The following HPSE2 variants were observed in gnomAD, a reference collection of about 807,000 sequenced individuals.
The protein encoded by HPSE2 is heparanase 2 (inactive).
HPSE2 carries 38 observed loss-of-function variants against 60.5 expected under a neutral mutation model. That is an observed-to-expected ratio of 0.63 (90% CI 0.48 to 0.82). The LOEUF (loss-of-function observed/expected upper bound fraction) is 0.82, where lower values mean the gene tolerates loss of function less well. HPSE2 is among the 40% of genes least tolerant of loss of function. The pLI, the probability that HPSE2 is intolerant of heterozygous loss-of-function variation, is 0.00. For synonymous variants in HPSE2, 295 were observed against 293.2 expected (o/e 1.01, Z -0.06); for missense variants, 713 against 740.4 (o/e 0.96, Z 0.43).
intron 11 of HPSE2, among the ~76,000 whole-genome samples, chr10:98,475,399 G>T (rs56022915): frequency 7.9e-5 from 12 of 151,966 alleles, no homozygotes; most frequent in African/African-American, 2.9e-4. Context: ...GATTACAGGC[G>T]TGAGCCACCG....
chr10:98,913,249 C>G (rs1954029519), intron 3 of HPSE2, among the ~76,000 whole-genome samples: 1 of 152,130 alleles, frequency 6.6e-6, no homozygotes, highest in South Asian at 2.1e-4. Flanking sequence ...ACTCCATATA[C>G]TTGTAGTGAA....
At chr10:98,701,908 C>G (rs934497476) in intron 5 of HPSE2, among the ~76,000 whole-genome samples, 6 of 152,076 alleles carry the variant, frequency 3.9e-5, no homozygotes, top group Non-Finnish European at 8.8e-5. Context: ...AACAAGTGTG[C>G]AAAATAACCA....
intron 11 of HPSE2, among the ~76,000 whole-genome samples, chr10:98,471,690 C>T (rs182900006): frequency 6.6e-6 from 1 of 152,152 alleles, no homozygotes; most frequent in East Asian, 1.9e-4. Flanking sequence ...TGATTATGCT[C>T]CTCGGTGTGT....
At chr10:98,671,710 T>C (rs893950226) in intron 6 of HPSE2, among the ~76,000 whole-genome samples, 6 of 152,142 alleles carry the variant, frequency 3.9e-5, no homozygotes, top group African/African-American at 1.2e-4. Flanking sequence ...TCCAATTCGA[T>C]AGTTCCTATG....
intron 3 of HPSE2, among the ~76,000 whole-genome samples, chr10:98,827,793 C>T (rs1005236619): frequency 2.0e-5 from 3 of 152,198 alleles, no homozygotes; most frequent in African/African-American, 7.2e-5. Flanking sequence ...ACTATTATTA[C>T]CATGTGATAG....
intron 3 of HPSE2, among the ~76,000 whole-genome samples, chr10:99,135,628 A>T (rs1204346185): frequency 6.6e-6 from 1 of 152,342 alleles, no homozygotes; most frequent in Non-Finnish European, 1.5e-5. Context: ...TGAAGGCAGA[A>T]GTAAAGACAT....
chr10:98,916,522 T>A (rs746228160), intron 3 of HPSE2, among the ~76,000 whole-genome samples: 1 of 152,230 alleles, frequency 6.6e-6, no homozygotes, highest in African/African-American at 2.4e-5. Context: ...AAACTGTTTC[T>A]TGGTTTTATG....
chr10:99,100,151 T>C (rs1843896501), intron 3 of HPSE2, among the ~76,000 whole-genome samples: 1 of 152,180 alleles, frequency 6.6e-6, no homozygotes, highest in Non-Finnish European at 1.5e-5. Flanking sequence ...AGAATGACTT[T>C]GACAAGTTGA....
intron 3 of HPSE2, among the ~76,000 whole-genome samples, chr10:99,127,305 TCA>T (rs771249306): frequency 2.0e-5 from 3 of 151,952 alleles, no homozygotes; most frequent in Non-Finnish European, 2.9e-5. Flanking sequence ...AGAAAAACAA[TCA>T]CAACTTCTGG....
At chr10:99,029,855 A>G (rs1421912775) in intron 3 of HPSE2, among the ~76,000 whole-genome samples, 4 of 152,116 alleles carry the variant, frequency 2.6e-5, no homozygotes, top group Non-Finnish European at 5.9e-5. Context: ...AGTCTTCTCT[A>G]AACTCCCCCG....
intron 3 of HPSE2, among the ~76,000 whole-genome samples, chr10:98,860,171 T>C (rs894979476): frequency 7.9e-5 from 12 of 152,174 alleles, no homozygotes; most frequent in Non-Finnish European, 2.9e-5. Context: ...ATTTATTCTG[T>C]TTCCCTGGAG....
intron 3 of HPSE2, among the ~76,000 whole-genome samples, chr10:98,948,126 G>T (rs1478768102): frequency 6.6e-6 from 1 of 152,144 alleles, no homozygotes; most frequent in Non-Finnish European, 1.5e-5. Flanking sequence ...AAGTCTGGAA[G>T]GATTACAACA....
intron 3 of HPSE2, among the ~76,000 whole-genome samples, chr10:98,924,044 T>A (rs1954370987): frequency 6.6e-6 from 1 of 152,186 alleles, no homozygotes; most frequent in Non-Finnish European, 1.5e-5. Flanking sequence ...TGCCTGTCTT[T>A]CTTGGGAAGG....
At chr10:99,072,860 T>TCC (rs1842837735) in intron 3 of HPSE2, among the ~76,000 whole-genome samples, 1 of 135,796 alleles carries the variant, frequency 7.4e-6, no homozygotes, top group Non-Finnish European at 1.5e-5. Flanking sequence ...ACCTGGGAGG[T>TCC]GGAGGTTGCA....
At chr10:98,782,042 G>GTTCT (rs1950484108) in intron 3 of HPSE2, among the ~76,000 whole-genome samples, 2 of 56,154 alleles carry the variant, frequency 3.6e-5, no homozygotes, top group African/African-American at 1.6e-4. Flanking sequence ...ATTTAGCTAT[G>GTTCT]TGAGAAAATG....
At chr10:99,097,716 A>G (rs1368498646) in intron 3 of HPSE2, among the ~76,000 whole-genome samples, 1 of 152,242 alleles carries the variant, frequency 6.6e-6, no homozygotes, top group African/African-American at 2.4e-5. Flanking sequence ...CAATTTTTAA[A>G]GTACTTCTAA....
rs1325667596 is a variant in HPSE2 at position 98,798,138 on chromosome 10, G to A, written c.611-54082C>T. On this transcript the variant is annotated intron_variant, in intron 3 of 11. Coordinates refer to ENST00000370552, the MANE Select transcript of HPSE2 (RefSeq NM_021828.5). ...AGGTCTGGCAGCAGATTTTTCAGTGGAAACCTCACACTCCAGGAGAAGAGG... is the reference window on the plus strand; with the variant it reads ...AGGTCTGGCAGCAGATTTTTCAGTGAAAACCTCACACTCCAGGAGAAGAGG... Among the ~76,000 whole-genome samples the A allele has an allele frequency of 3.3e-5, 5 of 151,970 alleles. No individual in the cohort carries two copies. In the East Asian group the frequency reaches 7.7e-4, roughly 24 times the overall value.
intron 3 of HPSE2, chr10:99,047,972 C>A (rs192419720): frequency 2.9e-5 from 21 of 719,296 alleles, no homozygotes; most frequent in Non-Finnish European, 5.3e-5. Flanking sequence ...GTTTCCGTTT[C>A]TTTGCCTTCA....
At chr10:98,865,697 G>A (rs1468899022) in intron 3 of HPSE2, among the ~76,000 whole-genome samples, 1 of 152,050 alleles carries the variant, frequency 6.6e-6, no homozygotes, top group Non-Finnish European at 1.5e-5. Context: ...AACTACCAGA[G>A]GTAGAGAATC....
Sources: gnomAD v4.1 joint callset for allele counts (sites outside exome capture counted in the v4.1 genomes callset) on GRCh38, gnomAD v4.1.1 for gene constraint, MANE v1.5 for transcripts, NCBI Gene and HGNC (gene_info 2026-07-23, HGNC 2026-07-21) for gene names.